Variants in KANK1 observed in about 807,000 individuals in gnomAD.
The protein encoded by KANK1 is KN motif and ankyrin repeat domains 1, also known as KN motif and ankyrin repeat domain-containing protein 1.
A neutral mutation model predicts 106.2 loss-of-function variants in KANK1; 109 were observed. The ratio of observed to expected loss-of-function variants is 1.03; its 90% CI spans 0.88 to 1.20. The LOEUF (loss-of-function observed/expected upper bound fraction) is 1.20, where lower values mean the gene tolerates loss of function less well. Ranked by LOEUF, KANK1 falls within the 50% of genes most tolerant of loss-of-function variation. The pLI is 0.00. For missense variants in KANK1, 2,399 were observed against 1,710.7 expected, an observed-to-expected ratio of 1.40 and a Z score of -7.10; for synonymous variants, 873 against 652.2, an observed-to-expected ratio of 1.34 and a Z score of -5.16.
At chr9:545,159 G>C (rs760355925) in intron 1 of KANK1, among the ~76,000 whole-genome samples, 2 of 151,606 alleles carry the variant, frequency 1.3e-5, no homozygotes, top group Non-Finnish European at 2.9e-5. Context: ...TCAGTATGGC[G>C]GTTGAGGAGG....
intron 1 of KANK1, among the ~76,000 whole-genome samples, chr9:550,891 C>T (rs1048680726): frequency 2.6e-5 from 4 of 151,998 alleles, no homozygotes; most frequent in Admixed American, 6.6e-5. Context: ...GAATAATTTC[C>T]TGTGATATGT....
rs996856001 is a variant in KANK1 at position 522,338 on chromosome 9, T to C, written c.-84+17584T>C. ...AGATACATATATCGTGGTTCCTTCA[T>C]GCAGTTGAAAGTTTTAAGAGGACTC... On this transcript the variant is annotated intron_variant, in intron 1 of 11. Transcript: ENST00000382297. Among the ~76,000 whole-genome samples the C allele has an allele frequency of 2.6e-5, 4 of 151,760 alleles. No homozygotes were observed. The South Asian group carries it at 8.3e-4, about 31-fold the overall frequency.
chr9:571,588 C>T (rs1819186875), intron 1 of KANK1, among the ~76,000 whole-genome samples: 1 of 151,422 alleles, frequency 6.6e-6, no homozygotes, highest in South Asian at 2.1e-4. Flanking sequence ...ATTTTAAAAA[C>T]GTTTTTTAAA....
chr9:521,865 G>A (rs576417687), intron 1 of KANK1, among the ~76,000 whole-genome samples: 1 of 151,698 alleles, frequency 6.6e-6, no homozygotes, highest in South Asian at 2.1e-4. Flanking sequence ...ACTGTGCCTG[G>A]CTCAGATTCT....
At chr9:731,465 A>C in intron 5 of KANK1, 199 bp downstream of exon 5, 3 of 448,362 alleles carry the variant, frequency 6.7e-6, no homozygotes, top group Non-Finnish European at 1.2e-5. Flanking sequence ...CACTCTCTTA[A>C]GGATACCTGA....
At chr9:524,400 A>G (rs1474279748) in intron 1 of KANK1, among the ~76,000 whole-genome samples, 36 of 151,770 alleles carry the variant, frequency 2.4e-4, no homozygotes, top group Admixed American at 2.1e-3. Flanking sequence ...TCAATCTTCA[A>G]AGGAAGAGAA....
intron 1 of KANK1, among the ~76,000 whole-genome samples, chr9:531,792 C>T (rs2060068207): frequency 6.6e-6 from 1 of 152,222 alleles, no homozygotes; most frequent in Non-Finnish European, 1.5e-5. Flanking sequence ...TGGCGTCTGT[C>T]CTCACTGTTA....
chr9:584,015 T>C lies in KANK1; in HGVS notation c.-84+79261T>C, dbSNP rs568467497. The stretch of plus-strand genomic sequence containing the variant: ...CATTGTGTAGGGCAAATTAACAATA[T>C]CAGATCCTCACATTTTCTGTACATT... On this transcript the variant is annotated intron_variant, in intron 1 of 11. Transcript: ENST00000382297. 3.3e-5 allele frequency among the ~76,000 whole-genome samples: 5 copies of C among 152,244 alleles called. No homozygotes were observed. In the South Asian group the frequency reaches 8.3e-4, roughly 25 times the overall value.
At chr9:655,050 C>G in intron 1 of KANK1, among the ~76,000 whole-genome samples, 1 of 152,048 alleles carries the variant, frequency 6.6e-6, no homozygotes, top group East Asian at 1.9e-4. Flanking sequence ...TTCAATTGGT[C>G]TTTGATGAGA....
chr9:712,093 G>A lies in KANK1; in HGVS notation c.1327G>A (p.Ala443Thr), dbSNP rs752005356. ...MRNCGVSVTE[A>T]MLGVMTEADK... ...AAATTGTGGGGTCAGCGTGACAGAGGCCATGCTTGGAGTGATGACTGAAGC... is the reference window on the plus strand; with the variant it reads ...AAATTGTGGGGTCAGCGTGACAGAGACCATGCTTGGAGTGATGACTGAAGC... The change falls in exon 3 of 12, where the codon GCC (alanine) becomes ACC (threonine). Residue 443 changes from alanine to threonine, a missense_variant. Physicochemically the swap from Ala to Thr is moderately conservative, Grantham distance 58 (BLOSUM62 0). Coordinates refer to ENST00000382297, the MANE Select transcript of KANK1 (RefSeq NM_015158.5). The A allele has an allele frequency of 1.9e-6, 3 of 1,614,146 alleles. No homozygotes were observed. Among genetic ancestry groups the A allele is most frequent in the Non-Finnish European group, 2.5e-6 (3 of 1,180,040 alleles).
intron 2 of KANK1, among the ~76,000 whole-genome samples, chr9:699,896 C>T (rs772051488): frequency 4.6e-5 from 7 of 152,144 alleles, no homozygotes; most frequent in Non-Finnish European, 1.0e-4. Flanking sequence ...GCAGGAGGAT[C>T]GCTTGAGCTG....
chr9:730,221 G>A lies in KANK1; in HGVS notation c.2869G>A (p.Asp957Asn). The part of the protein sequence containing the change: ...EGTLSPVNLT[D>N]DQIAAGLYAC... ...TACGCTGTCTCCAGTGAACCTGACA[G>A]ACGACCAGATCGCCGCTGGCCTCTA... The change falls in exon 4 of 12, where the codon GAC (aspartate) becomes AAC (asparagine). Residue 957 changes from aspartate (D) to asparagine (N), a missense_variant. Coordinates refer to ENST00000382297, the MANE Select transcript of KANK1 (RefSeq NM_015158.5). 1 of 1,614,210 alleles carries A rather than the reference G, an allele frequency of 6.2e-7. No individual in the cohort carries two copies. The highest frequency in any genetic ancestry group is 1.7e-5 in the Admixed American group (1 of 60,030).
intron 1 of KANK1, among the ~76,000 whole-genome samples, chr9:659,679 A>G (rs1463147756): frequency 1.3e-5 from 2 of 151,990 alleles, no homozygotes; most frequent in Admixed American, 6.6e-5. Flanking sequence ...GGCACGTCCT[A>G]TGTGGTGGGA....
At chr9:573,169 A>C (rs1431996080) in intron 1 of KANK1, among the ~76,000 whole-genome samples, 1 of 152,226 alleles carries the variant, frequency 6.6e-6, no homozygotes, top group African/African-American at 2.4e-5. Context: ...CTCTATAATC[A>C]GAGAATAAAG....
chr9:581,522 C>G (rs200785026), intron 1 of KANK1, among the ~76,000 whole-genome samples: 5 of 5,890 alleles, frequency 8.5e-4, no homozygotes, highest in East Asian at 7.9e-3. Flanking sequence ...ATGAACCATT[C>G]TTCATTAGTG....
At chr9:701,077 G>C (rs1170909857) in intron 2 of KANK1, among the ~76,000 whole-genome samples, 1 of 152,106 alleles carries the variant, frequency 6.6e-6, no homozygotes, top group East Asian at 1.9e-4. Context: ...GCACTTGAGC[G>C]TAGTGTTATT....
intron 3 of KANK1, among the ~76,000 whole-genome samples, chr9:480,334 CAT>C (rs1387064706): frequency 6.6e-6 from 1 of 152,178 alleles, no homozygotes; most frequent in Non-Finnish European, 1.5e-5. Context: ...GAAAATCTCA[CAT>C]GTGAGTACAA....
At chr9:640,771 A>T in intron 1 of KANK1, among the ~76,000 whole-genome samples, 1 of 148,020 alleles carries the variant, frequency 6.8e-6, no homozygotes, top group Non-Finnish European at 1.5e-5. Flanking sequence ...ATCTTGGCTC[A>T]CTGCAAGCTC....
At chr9:543,235 A>G (rs994674082) in intron 1 of KANK1, among the ~76,000 whole-genome samples, 2 of 152,142 alleles carry the variant, frequency 1.3e-5, no homozygotes, top group Non-Finnish European at 2.9e-5. Context: ...CGTATTTATT[A>G]ATTTTTCTAT....
Sources: gnomAD v4.1 joint callset for allele counts (sites outside exome capture counted in the v4.1 genomes callset) on GRCh38, gnomAD v4.1.1 for gene constraint, MANE v1.5 for transcripts, NCBI Gene and HGNC (gene_info 2026-07-23, HGNC 2026-07-21) for gene names.